Variants in TBCK observed in about 807,000 individuals in gnomAD.
TBCK encodes TBC1 domain containing kinase.
Under a neutral mutation model 113.4 loss-of-function variants are expected in TBCK, and 99 were observed. The observed-to-expected ratio is 0.87, with a 90% CI of 0.74 to 1.03. The LOEUF is 1.03. Ranked by LOEUF, TBCK falls within the 50% of genes least tolerant of loss-of-function variation. The pLI, the probability that TBCK is intolerant of heterozygous loss-of-function variation, is 0.00. For synonymous variants in TBCK, 369 were observed against 370.8 expected, an observed-to-expected ratio of 1.00 and a Z score of 0.05; for missense variants, 1,045 against 1,061.3, an observed-to-expected ratio of 0.98 and a Z score of 0.21.
chr4:106,113,077 G>A (rs968359384), intron 24 of TBCK, among the ~76,000 whole-genome samples: 3 of 152,208 alleles, frequency 2.0e-5, no homozygotes, highest in African/African-American at 7.2e-5. Flanking sequence ...TAGCGCTCAT[G>A]CCTTTCCTGG....
rs1733926396 is a variant in TBCK, at chr4:106,042,531, T to C, written c.*4039A>G. On this transcript the variant is annotated 3_prime_UTR_variant, in exon 26 of 26. Transcript: ENST00000394708. ...CCCACCACCACGCCTGGCTAATTTT[T>C]TGTATTTTTAGTAGAGATGGGGTTT... 6.6e-6 allele frequency: 1 copy of C among 152,098 alleles called. No homozygotes were observed. The highest frequency in any genetic ancestry group is 1.5e-5 in the Non-Finnish European group (1 of 68,020). The allele number at this position is 152,098 out of a possible 1,614,324, so 9.4% of individuals were successfully genotyped here.
intron 25 of TBCK, among the ~76,000 whole-genome samples, chr4:106,075,248 T>C (rs1213644373): frequency 1.3e-5 from 2 of 152,228 alleles, no homozygotes; most frequent in Non-Finnish European, 2.9e-5. Flanking sequence ...CTGAGAAAAG[T>C]ATTAAAGATA....
intron 23 of TBCK, among the ~76,000 whole-genome samples, chr4:106,149,500 G>A (rs931389211): frequency 6.6e-6 from 1 of 152,098 alleles, no homozygotes; most frequent in Non-Finnish European, 1.5e-5. Context: ...GTTTCTCAAG[G>A]AATAGGGAGA....
At chr4:106,201,147 A>T (rs781337295) in intron 20 of TBCK, among the ~76,000 whole-genome samples, 12 of 152,028 alleles carry the variant, frequency 7.9e-5, no homozygotes, top group Non-Finnish European at 1.6e-4. Context: ...ATAACATATA[A>T]CAGCTCCTAG....
chr4:106,098,910 G>T (rs981283724), intron 24 of TBCK, among the ~76,000 whole-genome samples: 1 of 151,936 alleles, frequency 6.6e-6, no homozygotes, highest in Non-Finnish European at 1.5e-5. Flanking sequence ...TCAAAAATTT[G>T]CATTAAACAG....
intron 22 of TBCK, among the ~76,000 whole-genome samples, chr4:106,174,254 C>A (rs1428653725): frequency 6.6e-6 from 1 of 152,128 alleles, no homozygotes; most frequent in Admixed American, 6.5e-5. Flanking sequence ...TTATTTACCA[C>A]TCTTTCATAT....
Position 106,048,575 on chromosome 4 carries a change from T to A in TBCK, c.2572-1895A>T, listed in dbSNP as rs1367715713. Among the ~76,000 whole-genome samples, 3 of 152,066 alleles carry A rather than the reference T, an allele frequency of 2.0e-5. No individual in the cohort carries two copies. In the East Asian group the frequency reaches 5.8e-4, roughly 29 times the overall value. On this transcript the variant is annotated intron_variant, in intron 25 of 25. Transcript: ENST00000394708. ...CCTGAGTCATGTGCAGGCAGCACAG[T>A]CCCTGGTACCATATGATTATTGAAA...
chr4:106,088,388 C>T (rs1739764721), intron 25 of TBCK, among the ~76,000 whole-genome samples: 1 of 152,136 alleles, frequency 6.6e-6, no homozygotes, highest in African/African-American at 2.4e-5. Flanking sequence ...CAAATCAAAA[C>T]CACAATGAGA....
At chr4:106,171,798 A>G (rs751555531) in intron 22 of TBCK, among the ~76,000 whole-genome samples, 2 of 151,938 alleles carry the variant, frequency 1.3e-5, no homozygotes, top group Admixed American at 6.6e-5. Context: ...ATCAGAAAAA[A>G]TTTTTCAGAA....
At chr4:106,295,491 T>C (rs1023527307) in intron 2 of TBCK, among the ~76,000 whole-genome samples, 3 of 152,028 alleles carry the variant, frequency 2.0e-5, no homozygotes, top group Non-Finnish European at 4.4e-5. Flanking sequence ...AAGTAAAAGA[T>C]TAGATGAATA....
At chr4:106,192,593 A>C (rs1389526585) in intron 22 of TBCK, among the ~76,000 whole-genome samples, 1 of 152,148 alleles carries the variant, frequency 6.6e-6, no homozygotes, top group Admixed American at 6.5e-5. Flanking sequence ...GGAAGGGGGA[A>C]TAAAAAGTTT....
At chr4:106,105,744 A>AT (rs1353358511) in intron 24 of TBCK, among the ~76,000 whole-genome samples, 9 of 148,138 alleles carry the variant, frequency 6.1e-5, no homozygotes, top group African/African-American at 2.3e-4. Context: ...TATCCAGAAA[A>AT]TAAGTCTATT....
intron 3 of TBCK, among the ~76,000 whole-genome samples, chr4:106,282,005 C>T (rs7697996): frequency 3.3e-5 from 5 of 151,930 alleles, no homozygotes; most frequent in African/African-American, 7.3e-5. Flanking sequence ...AAAAGTTTGG[C>T]GGAATTCAGC....
chr4:106,284,066 T>A (rs894962725), intron 3 of TBCK, among the ~76,000 whole-genome samples: 4 of 152,134 alleles, frequency 2.6e-5, no homozygotes, highest in Non-Finnish European at 5.9e-5. Flanking sequence ...AGTCTAAATG[T>A]AGAGCATCTT....
At chr4:106,143,235 T>A (rs1294117632) in intron 23 of TBCK, among the ~76,000 whole-genome samples, 2 of 152,174 alleles carry the variant, frequency 1.3e-5, no homozygotes, top group Non-Finnish European at 2.9e-5. Flanking sequence ...CTAGTGCAAC[T>A]CTTATCTGGC....
chr4:106,078,001 T>C (rs950698954), intron 25 of TBCK, among the ~76,000 whole-genome samples: 1 of 152,142 alleles, frequency 6.6e-6, no homozygotes, highest in African/African-American at 2.4e-5. Context: ...TAAGATCTAT[T>C]AAAACCATAC....
At chr4:106,055,703 T>C (rs2097058) in intron 25 of TBCK, among the ~76,000 whole-genome samples, 2,572 of 151,792 alleles carry the variant, frequency 0.017, 33 homozygotes, top group Middle Eastern at 0.099. Flanking sequence ...TGCAATTTTT[T>C]TCTTATTTTT....
intron 5 of TBCK, among the ~76,000 whole-genome samples, chr4:106,252,927 T>G (rs1034156564): frequency 6.6e-6 from 1 of 152,108 alleles, no homozygotes; most frequent in African/African-American, 2.4e-5. Context: ...AAACGTTTTT[T>G]GAAAACCGGT....
At position 106,308,890 on chromosome 4, in the gene TBCK, C is replaced by A; in HGVS notation, c.71G>T (p.Cys24Phe). ...FFASALPHDV[C>F]GSNGLPLTPN... ...TGTGAGAGGAAGTCCATTGCTTCCA[C>A]AAACATCATGTGGCAGAGCCGAGGC... Residue 24 changes from cysteine to phenylalanine, a missense_variant, in exon 2 of 26, where the codon TGT (cysteine) becomes TTT (phenylalanine). Coordinates refer to ENST00000394708, the MANE Select transcript of TBCK (RefSeq NM_001163435.3). 1 of 1,614,082 alleles carries A rather than the reference C, an allele frequency of 6.2e-7. No homozygotes were observed. Among genetic ancestry groups the A allele is most frequent in the South Asian group, 1.1e-5 (1 of 91,078 alleles).
Sources: gnomAD v4.1 joint callset for allele counts (sites outside exome capture counted in the v4.1 genomes callset) on GRCh38, gnomAD v4.1.1 for gene constraint, MANE v1.5 for transcripts, NCBI Gene and HGNC (gene_info 2026-07-23, HGNC 2026-07-21) for gene names.